OR2T33: variants seen among roughly 807,000 people sequenced by gnomAD.
OR2T33 encodes olfactory receptor family 2 subfamily T member 33, also known as olfactory receptor 2T33.
In OR2T33, 10 loss-of-function variants were observed where a neutral mutation model predicts 14.0. The ratio of observed to expected loss-of-function variants is 0.72; its 90% CI spans 0.44 to 1.22. The LOEUF is 1.22. Among genes scored for constraint, OR2T33 ranks in the 50% most tolerant of loss-of-function variants. The pLI is 0.00. For missense variants in OR2T33, 276 were observed against 405.9 expected, an observed-to-expected ratio of 0.68 and a Z score of 2.75; for synonymous variants, 103 against 159.4, an observed-to-expected ratio of 0.65 and a Z score of 2.66.
In OR2T33 at chr1:248,273,902, C is replaced by T. The variant is rs867937581; in HGVS notation, c.-8-80G>A. On this transcript the variant is annotated intron_variant, in intron 1 of 1. Coordinates refer to ENST00000641220, the MANE Select transcript of OR2T33 (RefSeq NM_001004695.2). ...AATAACTGTTTGACTGCACAGTTTC[C>T]GGACATACGTACTGGGTATGTTATC... is the stretch of plus-strand genomic sequence containing the variant. 5.6e-4 allele frequency: 859 copies of T among 1,526,302 alleles called. 1 individual carries two copies. Among genetic ancestry groups the T allele is most frequent in the Middle Eastern group, 1.7e-3 (7 of 4,230 alleles). The allele number at this position is 1,526,302 out of a possible 1,614,324, so 94.5% of individuals were successfully genotyped here. A position where few individuals can be genotyped will look rare whatever the true frequency, so the allele number is the denominator to read the frequency against.
chr1:248,272,787 G>A lies in OR2T33; in HGVS notation c.*65C>T. On this transcript the variant is annotated 3_prime_UTR_variant, in exon 2 of 2. Transcript: ENST00000641220. ...AATTTTCTCTGCATGAATTGCTAAAGGGAGAGAATAACAATGTGTTAAAAT... is the reference window on the plus strand; with the variant it reads ...AATTTTCTCTGCATGAATTGCTAAAAGGAGAGAATAACAATGTGTTAAAAT... 2.0e-6 allele frequency: 3 copies of A among 1,525,250 alleles called. No individual in the cohort carries two copies. Among genetic ancestry groups the A allele is most frequent in the Non-Finnish European group, 2.6e-6 (3 of 1,138,982 alleles). 94.5% of individuals were successfully genotyped at this position (1,525,250 alleles called of 1,614,324 possible). A position where few individuals can be genotyped will look rare whatever the true frequency, so the allele number is the denominator to read the frequency against.
chr1:248,274,734 A>G (rs908018271), intron 1 of OR2T33, among the ~76,000 whole-genome samples: 1 of 152,234 alleles, frequency 6.6e-6, no homozygotes, highest in Non-Finnish European at 1.5e-5. Flanking sequence ...GAAACAGCTT[A>G]AAAATGGTTG....
intron 1 of OR2T33, among the ~76,000 whole-genome samples, chr1:248,274,383 C>T (rs1009392539): frequency 2.0e-5 from 3 of 152,144 alleles, no homozygotes; most frequent in African/African-American, 7.2e-5. Flanking sequence ...ACAATAATAT[C>T]TCACACAACT....
intron 1 of OR2T33, among the ~76,000 whole-genome samples, chr1:248,276,648 A>G (rs1350789685): frequency 6.6e-6 from 1 of 152,160 alleles, no homozygotes; most frequent in Non-Finnish European, 1.5e-5. Context: ...ATTTGGAACC[A>G]TTGTTTTTTT....
chr1:248,272,925 C>G lies in OR2T33; in HGVS notation c.890G>C (p.Gly297Ala), dbSNP rs74465689. The change falls in exon 2 of 2, where the codon GGA becomes GCA. Residue 297 changes from glycine (G) to alanine (A), a missense_variant. Transcript: ENST00000641220. Reference protein sequence around the residue: ...IYSVKNSEVKGALKRWLGTCV... With the variant: ...IYSVKNSEVKAALKRWLGTCV... ...CGTCCCCAGCCACCGTTTCAGGGCTCCCTTCACCTCACTGTTCTTCACACT... is the reference window on the plus strand; with the variant it reads ...CGTCCCCAGCCACCGTTTCAGGGCTGCCTTCACCTCACTGTTCTTCACACT... 753 of 1,614,046 alleles carry G rather than the reference C, an allele frequency of 4.7e-4. 4 individuals are homozygous for G. In the African/African-American group the frequency reaches 9.2e-3, roughly 20 times the overall value.
rs771957806 is a variant in OR2T33 at position 248,272,854 on chromosome 1, A to G, written c.961T>C (p.Ter321ArgextTer5). 3 of 1,610,644 alleles carry G rather than the reference A, an allele frequency of 1.9e-6. No homozygotes were observed. In the South Asian group the frequency reaches 3.3e-5, roughly 18 times the overall value. The change falls in exon 2 of 2, where the codon TGA (stop) becomes CGA (arginine). Residue 321 changes from the stop codon to arginine, a stop_lost. Transcript: ENST00000641220. ...ACTTAGACTCATTTGACATTAGATC[A>G]TCTTGACCTGTGGGCCTCATTTTGC... ...HQQNEAHRSR[*>R]
Position 248,272,853 on chromosome 1 carries a change from C to A in OR2T33, c.962G>T (p.Ter321LeuextTer5). The stretch of plus-strand genomic sequence containing the variant: ...AACTTAGACTCATTTGACATTAGAT[C>A]ATCTTGACCTGTGGGCCTCATTTTG... Reference protein sequence around the residue: ...HQQNEAHRSR* With the variant: ...HQQNEAHRSRL The change falls in exon 2 of 2, where the codon TGA becomes TTA. Residue 321 changes from the stop codon to leucine (L), a stop_lost. Coordinates refer to ENST00000641220, the MANE Select transcript of OR2T33 (RefSeq NM_001004695.2). 1 of 1,605,326 alleles carries A rather than the reference C, an allele frequency of 6.2e-7. No individual in the cohort carries two copies. Among genetic ancestry groups the A allele is most frequent in the Non-Finnish European group, 8.5e-7 (1 of 1,175,902 alleles).
Position 248,277,161 on chromosome 1 carries a change from T to C in OR2T33, c.-9+604A>G, listed in dbSNP as rs867900409. ...TTATATATATTTCTAGTATGTATAT[T>C]TATATTTACTTCTATTTGTCTTTCT... On this transcript the variant is annotated intron_variant, in intron 1 of 1. Coordinates refer to ENST00000641220, the MANE Select transcript of OR2T33 (RefSeq NM_001004695.2). 4.0e-4 allele frequency among the ~76,000 whole-genome samples: 61 copies of C among 150,916 alleles called. No individual in the cohort carries two copies. In the Middle Eastern group the frequency reaches 0.014, roughly 34 times the overall value.
rs1408748985 is a variant in OR2T33, at chr1:248,271,357, A to G, written c.*1495T>C. ...AAGATTTTTTTAGATGGTATAAATG[A>G]CAGAATTTGTGCAGTTCTGCTCCTT... On this transcript the variant is annotated 3_prime_UTR_variant, in exon 2 of 2. Transcript: ENST00000641220. 1 of 152,172 alleles carries G rather than the reference A, an allele frequency of 6.6e-6. No individual in the cohort carries two copies. Among genetic ancestry groups the G allele is most frequent in the Non-Finnish European group, 1.5e-5 (1 of 68,022 alleles). 9.4% of individuals were successfully genotyped at this position (152,172 alleles called of 1,614,324 possible).
rs1325985933 is a variant in OR2T33 at position 248,270,121 on chromosome 1, GA to G, written c.*2730del. On this transcript the variant is annotated 3_prime_UTR_variant, in exon 2 of 2. Coordinates refer to ENST00000641220, the MANE Select transcript of OR2T33 (RefSeq NM_001004695.2). Reference sequence around the variant, plus strand: ...AGGATGAGTTCACGTCCTTTGTAGGGACACGGATGAAGCTGGAAACCATCAT... The same window carrying G: ...AGGATGAGTTCACGTCCTTTGTAGGGCACGGATGAAGCTGGAAACCATCAT... 1 of 152,112 alleles carries G rather than the reference GA, an allele frequency of 6.6e-6. No individual in the cohort carries two copies. The highest frequency in any genetic ancestry group is 1.5e-5 in the Non-Finnish European group (1 of 68,040). 9.4% of individuals were successfully genotyped at this position (152,112 alleles called of 1,614,324 possible).
intron 1 of OR2T33, among the ~76,000 whole-genome samples, chr1:248,276,045 G>A (rs1257347906): frequency 1.3e-5 from 2 of 152,170 alleles, no homozygotes; most frequent in African/African-American, 4.8e-5. Context: ...TTGTAGGAGA[G>A]GGGATGGTTT....
At chr1:248,274,293 A>C (rs2103032221) in intron 1 of OR2T33, among the ~76,000 whole-genome samples, 1 of 152,344 alleles carries the variant, frequency 6.6e-6, no homozygotes, top group East Asian at 1.9e-4. Flanking sequence ...ACAAGAAGTT[A>C]CAGTTGCTTT....
At chr1:248,273,920 A>G in intron 1 of OR2T33, 98 bp from the exon 2 acceptor site, 2 of 1,472,392 alleles carry the variant, frequency 1.4e-6, no homozygotes, top group Non-Finnish European at 1.8e-6. Context: ...CGTACTGGGT[A>G]TGTTATCCCA....
At position 248,272,840 on chromosome 1, in the gene OR2T33, T is replaced by C. The variant is rs1262511744; in HGVS notation, c.*12A>G. On this transcript the variant is annotated 3_prime_UTR_variant, in exon 2 of 2. Transcript: ENST00000641220. ...TAATAAATTCAGGAACTTAGACTCATTTGACATTAGATCATCTTGACCTGT... is the reference window on the plus strand; with the variant it reads ...TAATAAATTCAGGAACTTAGACTCACTTGACATTAGATCATCTTGACCTGT... 5.0e-6 allele frequency: 8 copies of C among 1,599,958 alleles called. No individual in the cohort carries two copies. Among genetic ancestry groups the C allele is most frequent in the Non-Finnish European group, 6.8e-6 (8 of 1,173,522 alleles).
Position 248,273,347 on chromosome 1 carries a change from C to T in OR2T33, c.468G>A (p.Leu156=), listed in dbSNP as rs1295386703. The T allele has an allele frequency of 6.2e-7, 1 of 1,611,858 alleles. No individual in the cohort carries two copies. Among genetic ancestry groups the T allele is most frequent in the Non-Finnish European group, 8.5e-7 (1 of 1,179,886 alleles). Reference sequence around the variant, plus strand: ...GGAAGCTCAGGGTAACAACAGCCTGCAGGAGCCCGTCAGCTGCACCCAGGA... The same window carrying T: ...GGAAGCTCAGGGTAACAACAGCCTGTAGGAGCCCGTCAGCTGCACCCAGGA... The part of the protein sequence containing the change: ...CWLLGAADGL[L]QAVVTLSFPY... The change falls in exon 2 of 2, where the codon CTG becomes CTA. Residue 156 remains leucine, a synonymous_variant. Coordinates refer to ENST00000641220, the MANE Select transcript of OR2T33 (RefSeq NM_001004695.2).
chr1:248,271,531 C>G lies in OR2T33; in HGVS notation c.*1321G>C, dbSNP rs1659372397. The G allele has an allele frequency of 1.3e-5, 2 of 152,148 alleles. No individual in the cohort carries two copies. Among genetic ancestry groups the G allele is most frequent in the Admixed American group, 6.5e-5 (1 of 15,272 alleles). The allele number at this position is 152,148 out of a possible 1,614,324, so 9.4% of individuals were successfully genotyped here. Reference sequence around the variant, plus strand: ...TTCTCTTGAGACATAGGCTCAGGATCTGCATGCACTGGTTAAGGTACTATC... The same window carrying G: ...TTCTCTTGAGACATAGGCTCAGGATGTGCATGCACTGGTTAAGGTACTATC... On this transcript the variant is annotated 3_prime_UTR_variant, in exon 2 of 2. Coordinates refer to ENST00000641220, the MANE Select transcript of OR2T33 (RefSeq NM_001004695.2).
rs1406917648 is a variant in OR2T33, at chr1:248,271,041, A to C, written c.*1811T>G. ...AGCATCTAAGAAGGCACTGAACTTC[A>C]TTATTCTCTAGGTAATGGCATATTT... is the stretch of plus-strand genomic sequence containing the variant. On this transcript the variant is annotated 3_prime_UTR_variant, in exon 2 of 2. Transcript: ENST00000641220. 6.6e-6 allele frequency: 1 copy of C among 152,190 alleles called. No homozygotes were observed. The highest frequency in any genetic ancestry group is 2.4e-5 in the African/African-American group (1 of 41,448). The allele number at this position is 152,190 out of a possible 1,614,324, so 9.4% of individuals were successfully genotyped here. A position where few individuals can be genotyped will look rare whatever the true frequency, so the allele number is the denominator to read the frequency against.
chr1:248,272,695 G>C lies in OR2T33; in HGVS notation c.*157C>G. The C allele has an allele frequency of 1.0e-6, 1 of 957,650 alleles. No individual in the cohort carries two copies. The highest frequency in any genetic ancestry group is 1.5e-6 in the Non-Finnish European group (1 of 651,278). 59.3% of individuals were successfully genotyped at this position (957,650 alleles called of 1,614,324 possible). On this transcript the variant is annotated 3_prime_UTR_variant, in exon 2 of 2. Coordinates refer to ENST00000641220, the MANE Select transcript of OR2T33 (RefSeq NM_001004695.2). ...AGAAAAGTACATAAATGCTAAAAAT[G>C]GTATCTCTCAATACAATTAGCTCAC...
intron 1 of OR2T33, among the ~76,000 whole-genome samples, chr1:248,276,924 G>A (rs1330852889): frequency 6.6e-6 from 1 of 151,558 alleles, no homozygotes; most frequent in African/African-American, 2.4e-5. Flanking sequence ...ATATTTATTT[G>A]TCAAGTGGAC....
Sources: gnomAD v4.1 joint callset for allele counts (sites outside exome capture counted in the v4.1 genomes callset) on GRCh38, gnomAD v4.1.1 for gene constraint, MANE v1.5 for transcripts, NCBI Gene and HGNC (gene_info 2026-07-23, HGNC 2026-07-21) for gene names.